Variants in PCDHGA2 observed in about 807,000 individuals in gnomAD.
PCDHGA2 encodes protocadherin gamma-A2.
A neutral mutation model predicts 59.2 loss-of-function variants in PCDHGA2; 40 were observed. The ratio of observed to expected loss-of-function variants is 0.68; its 90% confidence interval spans 0.52 to 0.88. The LOEUF is 0.88. Among genes scored for constraint, PCDHGA2 ranks in the 40% least tolerant of loss-of-function variants. The pLI is 0.00. For missense variants in PCDHGA2, 1,226 were observed against 1,204.0 expected (o/e 1.02, Z -0.27); for synonymous variants, 560 against 526.0 (o/e 1.06, Z -0.89).
At chr5:141,342,745 G>A (rs1353343466) in intron 1 of PCDHGA2, 2 of 152,174 alleles carry the variant, frequency 1.3e-5, no homozygotes, top group African/African-American at 4.8e-5. Context: ...GCATAGATAT[G>A]TAATGCATCA....
chr5:141,374,202 A>T (rs1446012115), intron 1 of PCDHGA2: 5 of 1,613,868 alleles, frequency 3.1e-6, no homozygotes, highest in Non-Finnish European at 4.2e-6. Context: ...GAGGAGCTGG[A>T]GAAAGGCTCC....
chr5:141,400,734 G>T, intron 1 of PCDHGA2: 1 of 634,546 alleles, frequency 1.6e-6, no homozygotes, highest in Non-Finnish European at 2.7e-6. Context: ...AAAGTAGTGA[G>T]AGTTTGCTCT....
At chr5:141,377,295 G>A (rs2150107676) in intron 1 of PCDHGA2, 2 of 152,102 alleles carry the variant, frequency 1.3e-5, no homozygotes, top group Middle Eastern at 6.8e-3. Context: ...CTTAATTTAG[G>A]TCAGTGTTAA....
At chr5:141,459,703 T>G (rs2098973426) in intron 1 of PCDHGA2, among the ~76,000 whole-genome samples, 1 of 152,226 alleles carries the variant, frequency 6.6e-6, no homozygotes, top group African/African-American at 2.4e-5. Context: ...CTTGCTACAT[T>G]TTCTCACCAA....
At chr5:141,403,414 T>C (rs373392812) in intron 1 of PCDHGA2, 142 of 1,613,926 alleles carry the variant, frequency 8.8e-5, no homozygotes, top group Middle Eastern at 1.6e-4. Context: ...GTTATCCACT[T>C]CCAGAAGCTA....
chr5:141,413,881 G>C (rs774026375), intron 1 of PCDHGA2: 5 of 1,613,400 alleles, frequency 3.1e-6, no homozygotes, highest in Non-Finnish European at 4.2e-6. Context: ...CAGTGTGACT[G>C]TCTTCGATGC....
At position 141,353,083 on chromosome 5, in the gene PCDHGA2, T is replaced by A. The variant is rs1164275141; in HGVS notation, c.2424+11688T>A. 3.3e-5 allele frequency among the ~76,000 whole-genome samples: 5 copies of A among 152,318 alleles called. No homozygotes were observed. In the East Asian group the frequency reaches 9.6e-4, roughly 29 times the overall value. On this transcript the variant is annotated intron_variant, in intron 1 of 3. Coordinates refer to ENST00000394576, the MANE Select transcript of PCDHGA2 (RefSeq NM_018915.4). ...TCATTGTTCTAGTGATGGTATCTAC[T>A]GCGGGAGGGGGTACTAGATAGATGG...
At position 141,489,295 on chromosome 5, in the gene PCDHGA2, T is replaced by C. The variant is rs2099685128; in HGVS notation, c.2425-5512T>C. 1.3e-6 allele frequency: 2 copies of C among 1,581,054 alleles called. No individual in the cohort carries two copies. The highest frequency in any genetic ancestry group is 1.7e-5 in the Admixed American group (1 of 57,148). ...TGGGAAATGGCAAGTGCTGTGCATG[T>C]TGTCCTTGTGCTGCTGGGGCTGGGT... On this transcript the variant is annotated intron_variant, in intron 1 of 3. Transcript: ENST00000394576. The surrounding 1 kb of genome is among the most constrained non-coding windows in gnomAD (Gnocchi z 4.5).
At chr5:141,419,253 A>G in intron 1 of PCDHGA2, 4 of 1,613,990 alleles carry the variant, frequency 2.5e-6, no homozygotes, top group South Asian at 1.1e-5. Flanking sequence ...CCAGAAAACA[A>G]CCAGCCGGGT....
chr5:141,399,955 C>G, intron 1 of PCDHGA2: 1 of 1,612,146 alleles, frequency 6.2e-7, no homozygotes. Flanking sequence ...GGCTAGCGAG[C>G]CCGGGCTCTT....
chr5:141,346,830 AGG>A (rs1355207802), intron 1 of PCDHGA2, among the ~76,000 whole-genome samples: 1 of 152,214 alleles, frequency 6.6e-6, no homozygotes, highest in African/African-American at 2.4e-5. Flanking sequence ...TGTGATAAAT[AGG>A]CCTTTTTCAT....
chr5:141,361,248 G>C (rs376049174), intron 1 of PCDHGA2: 2 of 1,613,840 alleles, frequency 1.2e-6, no homozygotes, highest in African/African-American at 2.7e-5. Context: ...TGATAAAAAC[G>C]AGAGACAGAG....
chr5:141,399,830 C>G (rs1304936728), intron 1 of PCDHGA2: 1 of 1,613,192 alleles, frequency 6.2e-7, no homozygotes. Flanking sequence ...CCCGACGGCT[C>G]TGCGCTCTTC....
At chr5:141,462,152 G>C (rs1336635196) in intron 1 of PCDHGA2, among the ~76,000 whole-genome samples, 6 of 152,034 alleles carry the variant, frequency 3.9e-5, no homozygotes, top group African/African-American at 7.2e-5. Flanking sequence ...TAGAGATGGG[G>C]TTTCATCATG....
At position 141,491,591 on chromosome 5, in the gene PCDHGA2, G is replaced by A. The variant is rs969259993; in HGVS notation, c.2425-3216G>A. 22 of 1,613,862 alleles carry A rather than the reference G, an allele frequency of 1.4e-5. No individual in the cohort carries two copies. The highest frequency in any genetic ancestry group is 1.8e-5 in the Non-Finnish European group (21 of 1,180,048). ...ACGTGCTTTTCACCGGCCTCGGACG[G>A]CAGTGACTTCACTTTTCTAAGACCC... On this transcript the variant is annotated intron_variant, in intron 1 of 3. Coordinates refer to ENST00000394576, the MANE Select transcript of PCDHGA2 (RefSeq NM_018915.4). This position sits in a 1 kb window ranked among gnomAD's most constrained non-coding sequence, Gnocchi z 6.9.
chr5:141,450,092 C>T (rs761677942), intron 1 of PCDHGA2, among the ~76,000 whole-genome samples: 2 of 148,672 alleles, frequency 1.3e-5, no homozygotes, highest in Non-Finnish European at 3.0e-5. Flanking sequence ...CTGCAACCTC[C>T]GCCTCCCAGG....
intron 1 of PCDHGA2, among the ~76,000 whole-genome samples, chr5:141,484,797 G>C (rs1228143036): frequency 6.6e-6 from 1 of 152,064 alleles, no homozygotes; most frequent in Non-Finnish European, 1.5e-5. Flanking sequence ...ATAACAACCC[G>C]TGGAAAAACA....
chr5:141,355,296 C>T (rs1330952446), intron 1 of PCDHGA2: 5 of 1,613,794 alleles, frequency 3.1e-6, no homozygotes, highest in Non-Finnish European at 4.2e-6. Context: ...AACAGATTCT[C>T]TACTCGGTGT....
intron 1 of PCDHGA2, chr5:141,351,310 C>T: frequency 1.2e-6 from 2 of 1,613,816 alleles, no homozygotes; most frequent in Non-Finnish European, 1.7e-6. Context: ...CCTTCTCTAA[C>T]CAGATTCCAG....
Sources: gnomAD v4.1 joint callset for allele counts (sites outside exome capture counted in the v4.1 genomes callset) on GRCh38, gnomAD v4.1.1 for gene constraint, Gnocchi (gnomAD v3.1) non-coding constraint, MANE v1.5 for transcripts, NCBI Gene and HGNC (gene_info 2026-07-23, HGNC 2026-07-21) for gene names.